Variants in RAB11FIP5 observed in about 807,000 individuals in gnomAD.
RAB11FIP5 encodes rab11 family-interacting protein 5.
A neutral mutation model predicts 85.1 loss-of-function variants in RAB11FIP5; 48 were observed. That is an observed-to-expected ratio of 0.56 (90% CI 0.45 to 0.72). RAB11FIP5 has a LOEUF of 0.72. RAB11FIP5 is among the 30% of genes least tolerant of loss of function. The probability of loss-of-function intolerance (pLI) is 0.00; values close to 1 mark genes in which losing one functional copy is unlikely to be tolerated. For synonymous variants in RAB11FIP5, 729 were observed against 727.3 expected, an observed-to-expected ratio of 1.00 and a Z score of -0.04; for missense variants, 1,491 against 1,687.0, an observed-to-expected ratio of 0.88 and a Z score of 2.04.
intron 1 of RAB11FIP5, among the ~76,000 whole-genome samples, chr2:73,102,910 G>T (rs969692581): frequency 6.6e-6 from 1 of 152,164 alleles, no homozygotes; most frequent in Non-Finnish European, 1.5e-5. Context: ...ATAAAATCAT[G>T]CAGTTAAAGA....
Position 73,089,413 on chromosome 2 carries a change from G to C in RAB11FIP5, c.432-98C>G, listed in dbSNP as rs554874522. On this transcript the variant is annotated intron_variant, in intron 1 of 5. Transcript: ENST00000486777. This position sits in a 1 kb window ranked among gnomAD's most constrained non-coding sequence, Gnocchi z 4.6. Reference sequence around the variant, plus strand: ...CTGCCCAGACCCCTCCTTGCTCTGAGAGCCACTGATAGCCTCTCCCCAAAG... The same window carrying C: ...CTGCCCAGACCCCTCCTTGCTCTGACAGCCACTGATAGCCTCTCCCCAAAG... The C allele has an allele frequency of 1.6e-5, 20 of 1,247,660 alleles. No individual in the cohort carries two copies. The highest frequency in any genetic ancestry group is 3.0e-5 in the African/African-American group (2 of 67,598). 77.3% of individuals were successfully genotyped at this position (1,247,660 alleles called of 1,614,324 possible).
rs780309685 is a variant in RAB11FIP5, at chr2:73,075,535, C to T, written c.3961G>A (p.Gly1321Ser). Reference protein sequence around the residue: ...TSPTLLQIPPGPPK With the variant: ...TSPTLLQIPPSPPK ...GGTGAGGAAGGCTATTTGGGGGGGC[C>T]CGGGGGGATCTGCAGCAGCGTGGGT... Residue 1321 changes from glycine to serine, a missense_variant, in exon 6 of 6, where the codon GGC becomes AGC. Coordinates refer to ENST00000486777, the MANE Select transcript of RAB11FIP5 (RefSeq NM_001371272.1). This position sits in a 1 kb window ranked among gnomAD's most constrained non-coding sequence, Gnocchi z 4.6. 3 of 1,614,036 alleles carry T rather than the reference C, an allele frequency of 1.9e-6. No individual in the cohort carries two copies. Among genetic ancestry groups the T allele is most frequent in the Non-Finnish European group, 2.5e-6 (3 of 1,179,948 alleles).
In RAB11FIP5 at chr2:73,106,979, GAGAGGCCGGGGCCCAGCTCCATAC is replaced by G. The variant is rs1684540440; in HGVS notation, c.431+5344_431+5367del. Among the ~76,000 whole-genome samples, 4 of 152,238 alleles carry G rather than the reference GAGAGGCCGGGGCCCAGCTCCATAC, an allele frequency of 2.6e-5. No homozygotes were observed. The South Asian group carries it at 6.2e-4, about 24-fold the overall frequency. On this transcript the variant is annotated intron_variant, in intron 1 of 5. Transcript: ENST00000486777. Reference sequence around the variant, plus strand: ...TTGGGAGGCCCCACTTACTGCTCCTGAGAGGCCGGGGCCCAGCTCCATACAGAGGCCTCATGTGGCCAGCCAAGT... The same window carrying G: ...TTGGGAGGCCCCACTTACTGCTCCTGAGAGGCCTCATGTGGCCAGCCAAGT...
intron 3 of RAB11FIP5, among the ~76,000 whole-genome samples, chr2:73,082,037 T>C (rs1039813829): frequency 5.2e-5 from 7 of 135,138 alleles, no homozygotes; most frequent in African/African-American, 2.1e-4. Flanking sequence ...GCGCCTTACA[T>C]CCCTTTTTTT....
chr2:73,095,829 C>T (rs530319690), intron 1 of RAB11FIP5, among the ~76,000 whole-genome samples: 11 of 152,190 alleles, frequency 7.2e-5, no homozygotes, highest in African/African-American at 2.4e-4. Context: ...GGCCTGGCTA[C>T]ACATCACAGA....
At position 73,088,238 on chromosome 2, in the gene RAB11FIP5, G is replaced by A. The variant is rs748301203; in HGVS notation, c.1380C>T (p.Pro460=). 43 of 1,613,804 alleles carry A rather than the reference G, an allele frequency of 2.7e-5. No homozygotes were observed. The highest frequency in any genetic ancestry group is 3.5e-5 in the Non-Finnish European group (41 of 1,180,032). ...KEGARKEERK[P]RMGLFHHHHQ... ...GGTGGTGGTGGAAGAGACCCATCCG[G>A]GGCTTGCGTTCCTCCTTCCGGGCTC... The change falls in exon 3 of 6, where the codon CCC becomes CCT. Residue 460 remains proline (P), a synonymous_variant. Coordinates refer to ENST00000486777, the MANE Select transcript of RAB11FIP5 (RefSeq NM_001371272.1).
chr2:73,100,278 C>T (rs1218198980), intron 1 of RAB11FIP5, among the ~76,000 whole-genome samples: 1 of 152,184 alleles, frequency 6.6e-6, no homozygotes. Flanking sequence ...TATGCCGTTT[C>T]AAGTGACACT....
At chr2:73,084,897 G>C (rs902469092) in intron 3 of RAB11FIP5, among the ~76,000 whole-genome samples, 1 of 152,178 alleles carries the variant, frequency 6.6e-6, no homozygotes, top group South Asian at 2.1e-4. Flanking sequence ...ACGACCTCCT[G>C]ACCCTCCTGA....
intron 1 of RAB11FIP5, among the ~76,000 whole-genome samples, chr2:73,092,664 C>G (rs1176268883): frequency 6.6e-6 from 1 of 152,190 alleles, no homozygotes; most frequent in African/African-American, 2.4e-5. Flanking sequence ...TCTGCCCAGC[C>G]CTCCCCCACA....
chr2:73,104,531 G>A (rs1035147267), intron 1 of RAB11FIP5, among the ~76,000 whole-genome samples: 5 of 152,170 alleles, frequency 3.3e-5, no homozygotes, highest in African/African-American at 9.7e-5. Context: ...TCACACCATT[G>A]CACTCCAGCC....
At chr2:73,104,070 GA>G in intron 1 of RAB11FIP5, among the ~76,000 whole-genome samples, 1 of 152,186 alleles carries the variant, frequency 6.6e-6, no homozygotes, top group South Asian at 2.1e-4. Context: ...ACTGTGTGGT[GA>G]GAACGTTGCA....
rs576744930 is a variant in RAB11FIP5 at position 73,081,809 on chromosome 2, G to A, written c.1569-146C>T. 1.1e-4 allele frequency: 71 copies of A among 672,512 alleles called. No individual in the cohort carries two copies. In the African/African-American group the frequency reaches 1.2e-3, roughly 11 times the overall value. The allele number at this position is 672,512 out of a possible 1,614,324, so 41.7% of individuals were successfully genotyped here. ...TTACCTACTTGGGCCAGGGTACAGA[G>A]GGAAGACCCCAACATGTAACATTAT... On this transcript the variant is annotated intron_variant, in intron 3 of 5. Coordinates refer to ENST00000486777, the MANE Select transcript of RAB11FIP5 (RefSeq NM_001371272.1). The surrounding 1 kb of genome is among the most constrained non-coding windows in gnomAD (Gnocchi z 4.2).
rs570511067 is a variant in RAB11FIP5, at chr2:73,081,546, G to T, written c.1686C>A (p.Ser562Arg). Residue 562 changes from serine (S) to arginine (R), a missense_variant, in exon 4 of 6, where the codon AGC (serine) becomes AGA (arginine). Around this residue, in one of 3 missense-constraint regions of RAB11FIP5, gnomAD observed 1,211 missense variants for 1,338.0 expected, o/e 0.91. Coordinates refer to ENST00000486777, the MANE Select transcript of RAB11FIP5 (RefSeq NM_001371272.1). This position sits in a 1 kb window ranked among gnomAD's most constrained non-coding sequence, Gnocchi z 4.2. ...TPAPTAAPML[S>R]TNLFAAASPA... ...GGGAGGCGGCTGCAAAAAGGTTAGT[G>T]CTTAGCATGGGAGCAGCAGTGGGAG... The T allele has an allele frequency of 2.8e-5, 34 of 1,213,866 alleles. No individual in the cohort carries two copies. The African/African-American group carries it at 5.0e-4, about 18-fold the overall frequency. 75.2% of individuals were successfully genotyped at this position (1,213,866 alleles called of 1,614,324 possible). A position where few individuals can be genotyped will look rare whatever the true frequency, so the allele number is the denominator to read the frequency against.
intron 3 of RAB11FIP5, among the ~76,000 whole-genome samples, chr2:73,085,102 C>T (rs1185609230): frequency 6.6e-6 from 1 of 152,222 alleles, no homozygotes; most frequent in African/African-American, 2.4e-5. Flanking sequence ...GAGAGCAGGA[C>T]GTGAGGCTGC....
rs140361234 is a variant in RAB11FIP5, at chr2:73,109,401, G to A, written c.431+2946C>T. Among the ~76,000 whole-genome samples the A allele has an allele frequency of 4.3e-3, 652 of 152,298 alleles. 4 individuals are homozygous for A. Among genetic ancestry groups the A allele is most frequent in the Middle Eastern group, 0.017 (5 of 294 alleles). On this transcript the variant is annotated intron_variant, in intron 1 of 5. Transcript: ENST00000486777. Reference sequence around the variant, plus strand: ...TTCTATGTATCCAGAACTACATTAAGGCTTTTACAGATGGTGTCTTATCTA... The same window carrying A: ...TTCTATGTATCCAGAACTACATTAAAGCTTTTACAGATGGTGTCTTATCTA...
intron 1 of RAB11FIP5, among the ~76,000 whole-genome samples, chr2:73,106,384 G>C (rs1684526708): frequency 6.6e-6 from 1 of 152,210 alleles, no homozygotes; most frequent in African/African-American, 2.4e-5. Flanking sequence ...AGCGCCAGTG[G>C]CTCTGTCTGC....
In RAB11FIP5 at chr2:73,112,397, G is replaced by A. The variant is rs1031256100; in HGVS notation, c.381C>T (p.Ala127=). The A allele has an allele frequency of 1.3e-5, 21 of 1,601,494 alleles. No homozygotes were observed. Among genetic ancestry groups the A allele is most frequent in the Non-Finnish European group, 1.7e-5 (20 of 1,176,838 alleles). The change falls in exon 1 of 6, where the codon GCC becomes GCT. Residue 127 remains alanine (A), a synonymous_variant. Transcript: ENST00000486777. ...LIGVDKFLGQ[A]TVALDEVFGA... The stretch of plus-strand genomic sequence containing the variant: ...CGAAGACCTCGTCCAGCGCCACCGT[G>A]GCCTGGCCCAGGAACTTGTCGACGC...
chr2:73,109,901 T>G (rs1684606895), intron 1 of RAB11FIP5, among the ~76,000 whole-genome samples: 1 of 152,240 alleles, frequency 6.6e-6, no homozygotes, highest in African/African-American at 2.4e-5. Context: ...CCACCTACCA[T>G]GTACAGGGAC....
chr2:73,105,811 G>C (rs1684514297), intron 1 of RAB11FIP5, among the ~76,000 whole-genome samples: 2 of 152,078 alleles, frequency 1.3e-5, no homozygotes, highest in Non-Finnish European at 2.9e-5. Flanking sequence ...TGGAAGACAT[G>C]GGGGAAGACT....
Sources: allele counts gnomAD v4.1 joint callset (sites outside exome capture counted in the v4.1 genomes callset), GRCh38; gene constraint gnomAD v4.1.1; regional missense constraint gnomAD v4.1.1; non-coding constraint Gnocchi (gnomAD v3.1); transcripts MANE v1.5; gene names NCBI Gene and HGNC (gene_info 2026-07-23, HGNC 2026-07-21).